Variants in GRK4 observed in about 807,000 individuals in gnomAD.
GRK4 encodes G protein-coupled receptor kinase 2-like.
A neutral mutation model predicts 77.9 loss-of-function variants in GRK4; 73 were observed. That is an observed-to-expected ratio of 0.94 (90% confidence interval 0.78 to 1.14). GRK4 has a LOEUF of 1.14. Ranked by LOEUF, GRK4 falls within the 50% of genes most tolerant of loss-of-function variation. The pLI is 0.00. For synonymous variants in GRK4, 257 were observed against 254.4 expected, an observed-to-expected ratio of 1.01 and a Z score of -0.10; for missense variants, 729 against 700.2, an observed-to-expected ratio of 1.04 and a Z score of -0.46.
At chr4:3,027,241 C>A (rs1193764301) in intron 10 of GRK4, among the ~76,000 whole-genome samples, 2 of 152,110 alleles carry the variant, frequency 1.3e-5, no homozygotes, top group East Asian at 3.8e-4. Context: ...GAGACAGGGT[C>A]TTGTCATGTT....
chr4:2,997,383 C>T (rs1253335155), intron 4 of GRK4, among the ~76,000 whole-genome samples: 4 of 152,116 alleles, frequency 2.6e-5, no homozygotes, highest in Non-Finnish European at 5.9e-5. Context: ...CACACCCCTT[C>T]GTGATAAAAG....
chr4:3,015,642 T>A lies in GRK4; in HGVS notation c.741+1814T>A, dbSNP rs574045955. On this transcript the variant is annotated intron_variant, in intron 8 of 15. Coordinates refer to ENST00000398052, the MANE Select transcript of GRK4 (RefSeq NM_182982.3). Reference sequence around the variant, plus strand: ...GTGAGCCAAGATCACGCCACTGCACTCCAGCCTGGGCAACAGAGCAAGACT... The same window carrying A: ...GTGAGCCAAGATCACGCCACTGCACACCAGCCTGGGCAACAGAGCAAGACT... 4.3e-5 allele frequency among the ~76,000 whole-genome samples: 6 copies of A among 138,852 alleles called. No individual in the cohort carries two copies. The South Asian group carries it at 1.4e-3, about 32-fold the overall frequency. 91.1% of individuals were successfully genotyped at this position (138,852 alleles called of 152,430 possible).
chr4:3,030,488 C>T (rs116011267), intron 12 of GRK4, among the ~76,000 whole-genome samples: 2,244 of 152,138 alleles, frequency 0.015, 29 homozygotes, highest in African/African-American at 0.036. Flanking sequence ...AGGCACCGTC[C>T]TAGGCATTGG....
At chr4:2,979,901 C>T (rs1336020010) in intron 1 of GRK4, among the ~76,000 whole-genome samples, 1 of 152,146 alleles carries the variant, frequency 6.6e-6, no homozygotes, top group African/African-American at 2.4e-5. Flanking sequence ...GTCCAGTGTA[C>T]CTGGTCTCAG....
chr4:3,040,646 G>A lies in GRK4; in HGVS notation c.*21G>A, dbSNP rs757435014. On this transcript the variant is annotated 3_prime_UTR_variant, in exon 16 of 16. Transcript: ENST00000398052. ...GCTGAGCACCCCGGTGCGGACCACA[G>A]AGCAGACCCTGGCGCCAGGAAGGAG... 1 of 1,605,550 alleles carries A rather than the reference G, an allele frequency of 6.2e-7. No homozygotes were observed. Among genetic ancestry groups the A allele is most frequent in the Non-Finnish European group, 8.5e-7 (1 of 1,175,500 alleles).
At chr4:2,982,180 G>A (rs1226385374) in intron 1 of GRK4, among the ~76,000 whole-genome samples, 1,552 of 152,340 alleles carry the variant, frequency 0.01, 29 homozygotes, top group African/African-American at 0.036. Context: ...CCAGTAGTGT[G>A]GGGCTCCTGC....
chr4:3,009,630 G>T lies in GRK4; in HGVS notation c.537-18G>T, dbSNP rs763526529. ...CAATGCAATGTGAGACCTGAAACTT[G>T]TTTTTCTCATTGATTAGGCAACCCG... is the stretch of plus-strand genomic sequence containing the variant. On this transcript the variant is annotated intron_variant, in intron 6 of 15. Transcript: ENST00000398052. 5.0e-6 allele frequency: 8 copies of T among 1,605,188 alleles called. No individual in the cohort carries two copies. In the East Asian group the frequency reaches 1.8e-4, roughly 36 times the overall value.
intron 8 of GRK4, among the ~76,000 whole-genome samples, chr4:3,016,830 T>G (rs1734685942): frequency 6.6e-6 from 1 of 152,232 alleles, no homozygotes; most frequent in African/African-American, 2.4e-5. Context: ...TACAGTTTCT[T>G]TTGCTTAAAT....
intron 13 of GRK4, among the ~76,000 whole-genome samples, chr4:3,036,089 G>A (rs1740555107): frequency 6.6e-6 from 1 of 152,208 alleles, no homozygotes; most frequent in Admixed American, 6.5e-5. Context: ...CCAGAATGCT[G>A]GGATTACAGG....
rs542752936 is a variant in GRK4 at position 3,010,398 on chromosome 4, C to A, written c.600+687C>A. ...TGCGCCACCACACCTAGCTAATTTT[C>A]GTATTTTTAGTAGAGAGGGGGTTTC... On this transcript the variant is annotated intron_variant, in intron 7 of 15. Coordinates refer to ENST00000398052, the MANE Select transcript of GRK4 (RefSeq NM_182982.3). 2.0e-5 allele frequency among the ~76,000 whole-genome samples: 3 copies of A among 152,032 alleles called. No individual in the cohort carries two copies. The East Asian group carries it at 5.8e-4, about 29-fold the overall frequency.
At position 2,992,236 on chromosome 4, in the gene GRK4, G is replaced by A. The variant is rs13305979; in HGVS notation, c.283G>A (p.Asp95Asn). ...DAVAEYEVAD[D>N]EDRSDCGLSI... Reference sequence around the variant, plus strand: ...TCAGGCAGAATATGAAGTTGCCGATGATGAGGACCGAAGTGATTGTGGACT... The same window carrying A: ...TCAGGCAGAATATGAAGTTGCCGATAATGAGGACCGAAGTGATTGTGGACT... The change falls in exon 4 of 16, where the codon GAT (aspartate) becomes AAT (asparagine). Residue 95 changes from aspartate (D) to asparagine (N), a missense_variant. Physicochemically the swap from Asp to Asn is conservative, Grantham distance 23 (BLOSUM62 1). Transcript: ENST00000398052. 4 of 1,610,562 alleles carry A rather than the reference G, an allele frequency of 2.5e-6. No homozygotes were observed. The highest frequency in any genetic ancestry group is 3.4e-6 in the Non-Finnish European group (4 of 1,177,058).
chr4:2,986,354 C>CTTTTTTTTTTTTTTTT (rs36001597), intron 2 of GRK4, among the ~76,000 whole-genome samples: 2 of 73,282 alleles, frequency 2.7e-5, no homozygotes, highest in African/African-American at 1.1e-4. Context: ...AAGGTGTTAT[C>CTTTTTTTTTTTTTTTT]TTTTTTTTTT....
intron 2 of GRK4, among the ~76,000 whole-genome samples, chr4:2,987,465 A>G (rs566840407): frequency 4.6e-5 from 7 of 152,338 alleles, no homozygotes; most frequent in African/African-American, 1.7e-4. Context: ...TTTGAAATGT[A>G]CAGTTCGGTG....
At chr4:2,966,049 G>A (rs751619071) in intron 1 of GRK4, 19 of 156,252 alleles carry the variant, frequency 1.2e-4, no homozygotes, top group Non-Finnish European at 2.7e-4. Context: ...AAATACAAGT[G>A]CTCTATAAAT....
intron 4 of GRK4, 45 bp downstream of exon 4, chr4:2,992,337 G>T: frequency 8.0e-7 from 1 of 1,253,740 alleles, no homozygotes; most frequent in Non-Finnish European, 1.2e-6. Context: ...TAAATAATTA[G>T]AGTGCATAGC....
chr4:2,986,059 A>G (rs1455383051), intron 2 of GRK4, among the ~76,000 whole-genome samples: 1 of 151,890 alleles, frequency 6.6e-6, no homozygotes, highest in African/African-American at 2.4e-5. Flanking sequence ...TTTTTTAACA[A>G]TAGAATTTTC....
At chr4:3,005,805 CATAA>C (rs546295668) in intron 5 of GRK4, among the ~76,000 whole-genome samples, 2 of 151,838 alleles carry the variant, frequency 1.3e-5, no homozygotes, top group African/African-American at 2.4e-5. Context: ...GACTCTGTCT[CATAA>C]ATAAATAAAT....
chr4:3,019,784 G>A lies in GRK4; in HGVS notation c.885G>A (p.Glu295=), dbSNP rs575812899. The A allele has an allele frequency of 1.5e-5, 25 of 1,614,178 alleles. No individual in the cohort carries two copies. The African/African-American group carries it at 2.9e-4, about 19-fold the overall frequency. ...AGAGAGCCGTTTTCTATGCTGCAGA[G>A]CTGTGTTGCGGCTTGGAAGATTTAC... is the stretch of plus-strand genomic sequence containing the variant. ...DEQRAVFYAA[E]LCCGLEDLQR... The change falls in exon 9 of 16, where the codon GAG becomes GAA. Residue 295 remains glutamate (E), a synonymous_variant. Coordinates refer to ENST00000398052, the MANE Select transcript of GRK4 (RefSeq NM_182982.3).
At chr4:2,997,033 T>C (rs1287531321) in intron 4 of GRK4, among the ~76,000 whole-genome samples, 2 of 152,186 alleles carry the variant, frequency 1.3e-5, no homozygotes, top group Non-Finnish European at 2.9e-5. Context: ...AGAGAACTCC[T>C]TGAGGTCACT....
Sources: allele counts gnomAD v4.1 joint callset (sites outside exome capture counted in the v4.1 genomes callset), GRCh38; gene constraint gnomAD v4.1.1; transcripts MANE v1.5; gene names NCBI Gene and HGNC (gene_info 2026-07-23, HGNC 2026-07-21).